The following DRC8 variants were observed in gnomAD, a reference collection of about 807,000 sequenced individuals.
The protein encoded by DRC8 is dynein regulatory complex protein 8.
At chr1:245,093,806 A>G in the DRC8 span, among the ~76,000 whole-genome samples, 5 of 152,198 alleles carry the variant, frequency 3.3e-5, no homozygotes, top group Admixed American at 6.5e-5. Context: ...ATAGCACACT[A>G]TGAAAATCGG....
At chr1:245,013,290 C>G in the DRC8 span, among the ~76,000 whole-genome samples, 3 of 152,154 alleles carry the variant, frequency 2.0e-5, no homozygotes, top group South Asian at 6.2e-4. Flanking sequence ...CTCAACTTTA[C>G]AGTATGAGAA....
At chr1:245,124,954 CTT>C in the DRC8 span, 1 of 152,230 alleles carries the variant, frequency 6.6e-6, no homozygotes, top group Non-Finnish European at 1.5e-5. Context: ...GATGAAACCT[CTT>C]TCTCTGCTAC....
chr1:245,098,203 A>G, the DRC8 span, among the ~76,000 whole-genome samples: 3 of 152,184 alleles, frequency 2.0e-5, no homozygotes, highest in East Asian at 1.9e-4. Flanking sequence ...ACGACATACT[A>G]TTCGTTAAGG....
the DRC8 span, among the ~76,000 whole-genome samples, chr1:245,043,294 A>G: frequency 1.1e-4 from 16 of 152,194 alleles, no homozygotes; most frequent in African/African-American, 3.9e-4. Flanking sequence ...TTAGCTGGGC[A>G]TGGTGGTGGG....
chr1:244,981,199 C>T, the DRC8 span, among the ~76,000 whole-genome samples: 12 of 151,618 alleles, frequency 7.9e-5, no homozygotes, highest in African/African-American at 2.4e-4. Context: ...CCCACCACCC[C>T]ACCGCCAAAA....
the DRC8 span, among the ~76,000 whole-genome samples, chr1:245,027,154 T>C: frequency 6.6e-6 from 1 of 152,232 alleles, no homozygotes; most frequent in Non-Finnish European, 1.5e-5. Context: ...TTGTTAAAAA[T>C]TGGTTTCTTA....
chr1:245,029,230 G>A, the DRC8 span, among the ~76,000 whole-genome samples: 3 of 152,220 alleles, frequency 2.0e-5, no homozygotes, highest in Admixed American at 2.0e-4. Flanking sequence ...ATTACTGGCT[G>A]TTTTAATAAA....
the DRC8 span, among the ~76,000 whole-genome samples, chr1:245,014,563 G>A: frequency 6.6e-6 from 1 of 151,496 alleles, no homozygotes; most frequent in Admixed American, 6.6e-5. Context: ...TGTAAATTAT[G>A]TTGCAACCTG....
At chr1:244,969,734 C>T in the DRC8 span, 1 of 198,568 alleles carries the variant, frequency 5.0e-6, no homozygotes, top group African/African-American at 2.3e-5. Context: ...TTGCGCCCGG[C>T]CCAGTTTTTC....
At chr1:244,971,614 CTTTGT>C in the DRC8 span, among the ~76,000 whole-genome samples, 1 of 152,146 alleles carries the variant, frequency 6.6e-6, no homozygotes, top group African/African-American at 2.4e-5. Context: ...AATATTCGTC[CTTTGT>C]TTTCTTTCTG....
the DRC8 span, among the ~76,000 whole-genome samples, chr1:245,052,271 C>A: frequency 6.6e-6 from 1 of 152,276 alleles, no homozygotes; most frequent in Middle Eastern, 3.4e-3. Context: ...TGCAGCAGTG[C>A]TTTGCAGGAA....
the DRC8 span, among the ~76,000 whole-genome samples, chr1:245,005,040 GT>G: frequency 6.6e-6 from 1 of 152,140 alleles, no homozygotes; most frequent in East Asian, 1.9e-4. Flanking sequence ...AGATGACATG[GT>G]TTTTTTGCTC....
chr1:244,979,292 CTTTTTTTTTTTT>C, the DRC8 span, among the ~76,000 whole-genome samples: 190 of 51,386 alleles, frequency 3.7e-3, 1 homozygote, highest in East Asian at 0.041. Flanking sequence ...CGAAGCTTAT[CTTTTTTTTTTTT>C]TTTTTTTTTT....
At chr1:245,070,965 G>A in the DRC8 span, among the ~76,000 whole-genome samples, 1 of 152,162 alleles carries the variant, frequency 6.6e-6, no homozygotes, top group Non-Finnish European at 1.5e-5. Flanking sequence ...TCCCCTCTGG[G>A]GGCCACAGCA....
the DRC8 span, among the ~76,000 whole-genome samples, chr1:245,085,383 A>G: frequency 3.3e-5 from 5 of 152,218 alleles, no homozygotes; most frequent in Admixed American, 6.5e-5. Flanking sequence ...AGATATCAAC[A>G]AATGTTTGTT....
At chr1:245,046,390 G>A in the DRC8 span, among the ~76,000 whole-genome samples, 9 of 148,810 alleles carry the variant, frequency 6.0e-5, no homozygotes, top group Non-Finnish European at 1.3e-4. Flanking sequence ...GCTCCTTCTC[G>A]CTGTCTCTTT....
the DRC8 span, among the ~76,000 whole-genome samples, chr1:245,051,193 C>A: frequency 3.3e-5 from 5 of 151,688 alleles, no homozygotes; most frequent in Non-Finnish European, 2.9e-5. Context: ...AGTTCAAGAC[C>A]AGCCTGGGCA....
the DRC8 span, among the ~76,000 whole-genome samples, chr1:245,100,584 C>G: frequency 6.6e-6 from 1 of 151,718 alleles, no homozygotes; most frequent in Admixed American, 6.6e-5. Flanking sequence ...AGTTCGAGAC[C>G]AGCCTGGGCA....
At chr1:245,066,523 A>C in the DRC8 span, among the ~76,000 whole-genome samples, 9 of 152,226 alleles carry the variant, frequency 5.9e-5, no homozygotes, top group Non-Finnish European at 1.3e-4. Context: ...ATAGAGGATA[A>C]AAGAATTAGA....
Sources: gnomAD v4.1 joint callset for allele counts (sites outside exome capture counted in the v4.1 genomes callset) on GRCh38, gnomAD v4.1.1 for gene constraint, MANE v1.5 for transcripts, NCBI Gene and HGNC (gene_info 2026-07-23, HGNC 2026-07-21) for gene names.